LRBA: variants seen among roughly 807,000 people sequenced by gnomAD.
LRBA encodes the protein LPS responsive beige-like anchor protein.
Under a neutral mutation model 330.0 loss-of-function variants are expected in LRBA, and 176 were observed. That is an observed-to-expected ratio of 0.53 (90% CI 0.47 to 0.60). The LOEUF (loss-of-function observed/expected upper bound fraction) is 0.60, where lower values mean the gene tolerates loss of function less well. Among genes scored for constraint, LRBA ranks in the 20% least tolerant of loss-of-function variants. LRBA has a pLI of 0.00. For synonymous variants in LRBA, 1,230 were observed against 1,193.0 expected, an observed-to-expected ratio of 1.03 and a Z score of -0.64; for missense variants, 3,259 against 3,444.8, an observed-to-expected ratio of 0.95 and a Z score of 1.35.
intron 17 of LRBA, among the ~76,000 whole-genome samples, chr4:150,878,336 C>CAA (rs1013239748): frequency 6.7e-6 from 1 of 148,450 alleles, no homozygotes; most frequent in South Asian, 2.1e-4. Flanking sequence ...AGGACTGTCT[C>CAA]AAAAAAAAAG....
intron 36 of LRBA, among the ~76,000 whole-genome samples, chr4:150,724,573 A>G (rs1217630708): frequency 1.3e-5 from 2 of 152,124 alleles, no homozygotes; most frequent in Non-Finnish European, 2.9e-5. Context: ...GACCTCACCA[A>G]TGAACTAAAT....
chr4:150,921,081 T>C (rs1733202338), intron 5 of LRBA, 117 bp downstream of exon 5: 1 of 634,226 alleles, frequency 1.6e-6, no homozygotes, highest in Non-Finnish European at 2.9e-6. Flanking sequence ...GATTAAAGTA[T>C]GTTGAGCAGA....
At chr4:150,868,694 T>C (rs1456136743) in intron 20 of LRBA, among the ~76,000 whole-genome samples, 1 of 152,106 alleles carries the variant, frequency 6.6e-6, no homozygotes, top group Non-Finnish European at 1.5e-5. Context: ...TTCCAACATT[T>C]TGGGAAGCTG....
intron 40 of LRBA, among the ~76,000 whole-genome samples, chr4:150,551,844 A>G (rs1407878996): frequency 6.6e-6 from 1 of 152,168 alleles, no homozygotes; most frequent in Non-Finnish European, 1.5e-5. Flanking sequence ...ACACACACGG[A>G]TATACATATA....
intron 34 of LRBA, among the ~76,000 whole-genome samples, chr4:150,792,732 C>A (rs988606866): frequency 6.6e-6 from 1 of 152,034 alleles, no homozygotes; most frequent in Admixed American, 6.6e-5. Flanking sequence ...GTATCGAACT[C>A]CTGGCCTCAA....
chr4:150,320,288 A>G (rs563167755), intron 50 of LRBA, among the ~76,000 whole-genome samples: 23 of 152,258 alleles, frequency 1.5e-4, no homozygotes, highest in Admixed American at 7.9e-4. Flanking sequence ...TAAACTTTCA[A>G]TGCCTCTTTA....
chr4:150,458,304 T>C (rs1235038662), intron 44 of LRBA, among the ~76,000 whole-genome samples: 1 of 151,916 alleles, frequency 6.6e-6, no homozygotes, highest in Non-Finnish European at 1.5e-5. Context: ...TATACATATA[T>C]ATTCCTTAAA....
At chr4:150,581,518 C>A in intron 40 of LRBA, 1 of 253,366 alleles carries the variant, frequency 3.9e-6, no homozygotes, top group Non-Finnish European at 8.0e-6. Flanking sequence ...TTTGCACCTT[C>A]TACTACACAA....
At chr4:150,863,594 G>A (rs752320142) in intron 22 of LRBA, among the ~76,000 whole-genome samples, 3 of 152,154 alleles carry the variant, frequency 2.0e-5, no homozygotes, top group Non-Finnish European at 2.9e-5. Flanking sequence ...CCTGGGAGGC[G>A]GAGTTTACAG....
At chr4:150,935,078 A>AG (rs1486905359) in intron 2 of LRBA, among the ~76,000 whole-genome samples, 1 of 151,212 alleles carries the variant, frequency 6.6e-6, no homozygotes, top group Non-Finnish European at 1.5e-5. Context: ...CAGGAGGTTG[A>AG]GGCAGGAGAA....
rs1334228860 is a variant in LRBA at position 150,805,600 on chromosome 4, GGAAAA to G, written c.5518+666_5518+670del. Reference sequence around the variant, plus strand: ...GGAAAGGAAAGGAAAGGAAAGGAAAGGAAAAGAAAGGAAAGGAAAGGAAAGGAGAA... The same window carrying G: ...GGAAAGGAAAGGAAAGGAAAGGAAAGGAAAGGAAAGGAAAGGAAAGGAGAA... On this transcript the variant is annotated intron_variant, in intron 33 of 56. Transcript: ENST00000651943. Among the ~76,000 whole-genome samples the G allele has an allele frequency of 4.7e-3, 477 of 100,842 alleles. 16 individuals are homozygous for G. The highest frequency in any genetic ancestry group is 0.016 in the African/African-American group (408 of 25,698). 66.2% of individuals were successfully genotyped at this position (100,842 alleles called of 152,430 possible).
At chr4:150,440,894 A>G (rs1381882476) in intron 44 of LRBA, among the ~76,000 whole-genome samples, 1 of 152,204 alleles carries the variant, frequency 6.6e-6, no homozygotes, top group Non-Finnish European at 1.5e-5. Flanking sequence ...TTTCACAAAT[A>G]GCAAAGCTGA....
At chr4:150,694,703 A>G (rs544036661) in intron 36 of LRBA, among the ~76,000 whole-genome samples, 17 of 148,854 alleles carry the variant, frequency 1.1e-4, no homozygotes, top group African/African-American at 3.4e-4. Context: ...CCTTCCCCCC[A>G]TAACAGCATT....
At chr4:150,922,160 C>A (rs1173509802) in intron 4 of LRBA, among the ~76,000 whole-genome samples, 2 of 152,088 alleles carry the variant, frequency 1.3e-5, no homozygotes, top group Non-Finnish European at 2.9e-5. Context: ...CACACCTGGC[C>A]AAAAACGATC....
intron 40 of LRBA, among the ~76,000 whole-genome samples, chr4:150,538,593 A>G (rs1764944921): frequency 6.6e-6 from 1 of 152,160 alleles, no homozygotes; most frequent in Non-Finnish European, 1.5e-5. Flanking sequence ...CACTGGGTAC[A>G]TATGGACATA....
chr4:150,834,829 T>C (rs1245088363), intron 28 of LRBA, among the ~76,000 whole-genome samples: 2 of 152,224 alleles, frequency 1.3e-5, no homozygotes, highest in Non-Finnish European at 2.9e-5. Flanking sequence ...AAAAGGTGTT[T>C]TGGCTTTTGT....
intron 40 of LRBA, among the ~76,000 whole-genome samples, chr4:150,554,074 T>C (rs1303386173): frequency 6.6e-6 from 1 of 152,188 alleles, no homozygotes; most frequent in East Asian, 1.9e-4. Context: ...AAGCAGGAGA[T>C]ACATGCAGGA....
chr4:150,377,919 G>A (rs370896579), intron 47 of LRBA, among the ~76,000 whole-genome samples: 9 of 150,152 alleles, frequency 6.0e-5, no homozygotes, highest in Admixed American at 2.0e-4. Flanking sequence ...TGCAGTGAGC[G>A]GAGATCATGC....
intron 2 of LRBA, among the ~76,000 whole-genome samples, chr4:150,997,970 C>G (rs1456772843): frequency 6.6e-6 from 1 of 152,096 alleles, no homozygotes; most frequent in African/African-American, 2.4e-5. Context: ...TCCCAAAGTG[C>G]TAGGATTACA....
Sources: gnomAD v4.1 joint callset for allele counts (sites outside exome capture counted in the v4.1 genomes callset) on GRCh38, gnomAD v4.1.1 for gene constraint, MANE v1.5 for transcripts, NCBI Gene and HGNC (gene_info 2026-07-23, HGNC 2026-07-21) for gene names.